Variants in SPAG16 observed in about 807,000 individuals in gnomAD.
SPAG16 encodes the protein sperm-associated antigen 16 protein.
In SPAG16, 86 loss-of-function variants were observed where a neutral mutation model predicts 80.4. That is an observed-to-expected ratio of 1.07 (90% CI 0.90 to 1.28). The LOEUF is 1.28. Among genes scored for constraint, SPAG16 ranks in the 50% most tolerant of loss-of-function variants. The probability of loss-of-function intolerance (pLI) is 0.00; values close to 1 mark genes in which losing one functional copy is unlikely to be tolerated. For synonymous variants in SPAG16, 294 were observed against 265.9 expected (o/e 1.11, Z -1.03); for missense variants, 870 against 765.3 (o/e 1.14, Z -1.61).
At chr2:213,903,463 C>A (rs550125960) in intron 11 of SPAG16, among the ~76,000 whole-genome samples, 1 of 152,188 alleles carries the variant, frequency 6.6e-6, no homozygotes, top group Admixed American at 6.5e-5. Context: ...ATGGCCCAAG[C>A]TCTACGTTGG....
chr2:213,310,993 C>T (rs1186503431), intron 4 of SPAG16, among the ~76,000 whole-genome samples: 2 of 151,680 alleles, frequency 1.3e-5, no homozygotes, highest in Non-Finnish European at 3.0e-5. Flanking sequence ...GCGATTTTTA[C>T]TCATCCAGCT....
intron 10 of SPAG16, among the ~76,000 whole-genome samples, chr2:213,514,898 C>G (rs1451723629): frequency 6.6e-6 from 1 of 151,884 alleles, no homozygotes; most frequent in Admixed American, 6.6e-5. Flanking sequence ...TAATAAGTAA[C>G]CTACACATTT....
At chr2:213,886,900 G>C (rs774821766) in intron 11 of SPAG16, among the ~76,000 whole-genome samples, 10 of 152,094 alleles carry the variant, frequency 6.6e-5, no homozygotes, top group Non-Finnish European at 1.0e-4. Context: ...CAGTTGGAGA[G>C]AAATATTAAA....
At chr2:214,153,972 T>G (rs61199650) in intron 15 of SPAG16, among the ~76,000 whole-genome samples, 193 of 152,246 alleles carry the variant, frequency 1.3e-3, no homozygotes, top group African/African-American at 4.5e-3. Context: ...TAGTATATAT[T>G]TATATCCCAA....
intron 15 of SPAG16, among the ~76,000 whole-genome samples, chr2:214,242,273 C>T (rs1689549648): frequency 6.6e-6 from 1 of 152,180 alleles, no homozygotes; most frequent in Admixed American, 6.5e-5. Flanking sequence ...CCTACTCATT[C>T]CCATAATTCT....
intron 10 of SPAG16, among the ~76,000 whole-genome samples, chr2:213,742,852 C>G (rs544598959): frequency 6.6e-6 from 1 of 152,214 alleles, no homozygotes; most frequent in African/African-American, 2.4e-5. Flanking sequence ...CGTGAGCCAC[C>G]GTGCTCGGCT....
chr2:213,875,168 G>C (rs965133420), intron 11 of SPAG16, among the ~76,000 whole-genome samples: 3 of 151,474 alleles, frequency 2.0e-5, no homozygotes, highest in African/African-American at 7.3e-5. Flanking sequence ...CAAACTCCTG[G>C]CCTCATGGGA....
At chr2:213,389,392 A>G (rs1247373307) in intron 9 of SPAG16, among the ~76,000 whole-genome samples, 2 of 152,176 alleles carry the variant, frequency 1.3e-5, no homozygotes, top group East Asian at 1.9e-4. Flanking sequence ...GGCACAGGCA[A>G]CAATAGAAAA....
chr2:213,407,898 A>G (rs2068738974), intron 9 of SPAG16, among the ~76,000 whole-genome samples: 1 of 72,114 alleles, frequency 1.4e-5, no homozygotes, highest in African/African-American at 3.8e-5. Context: ...AGAGAGAGAC[A>G]GGAGAGAGGC....
chr2:214,059,337 G>T (rs1258784718), intron 13 of SPAG16, among the ~76,000 whole-genome samples: 3 of 147,062 alleles, frequency 2.0e-5, no homozygotes, highest in Admixed American at 2.0e-4. Flanking sequence ...TTTTTTTTCA[G>T]TTAGTGGATT....
At chr2:213,910,500 T>G (rs1329513931) in intron 11 of SPAG16, among the ~76,000 whole-genome samples, 3 of 29,506 alleles carry the variant, frequency 1.0e-4, no homozygotes, top group African/African-American at 1.8e-4. Context: ...TTTTTTTTTT[T>G]TTTTTTGAGA....
At chr2:213,949,603 A>G (rs1026279843) in intron 12 of SPAG16, among the ~76,000 whole-genome samples, 5 of 152,192 alleles carry the variant, frequency 3.3e-5, no homozygotes, top group African/African-American at 1.2e-4. Flanking sequence ...GGTCTTTGGT[A>G]CTCAACCTTG....
At position 213,393,456 on chromosome 2, in the gene SPAG16, C is replaced by T. The variant is rs1421921157; in HGVS notation, c.942+18337C>T. Among the ~76,000 whole-genome samples, 5 of 151,568 alleles carry T rather than the reference C, an allele frequency of 3.3e-5. No homozygotes were observed. The South Asian group carries it at 8.3e-4, about 25-fold the overall frequency. On this transcript the variant is annotated intron_variant, in intron 9 of 15. Transcript: ENST00000331683. ...TAGTCTTCAACTTGCTTTTTTGATT[C>T]GATTTTTGTTTCTAAGAGTCTTTAG...
intron 14 of SPAG16, among the ~76,000 whole-genome samples, chr2:214,133,939 A>T (rs1399085389): frequency 6.6e-6 from 1 of 152,190 alleles, no homozygotes; most frequent in Non-Finnish European, 1.5e-5. Flanking sequence ...ACAGGATGAC[A>T]TTGAGGTACG....
In SPAG16 at chr2:214,114,251, G is replaced by A. The variant is rs141099471; in HGVS notation, c.1593+5990G>A. On this transcript the variant is annotated intron_variant, in intron 14 of 15. Coordinates refer to ENST00000331683, the MANE Select transcript of SPAG16 (RefSeq NM_024532.5). ...TATGAGGTGTCTGTCAGCCCCTACC[G>A]GGAGGTGTCTCCCAGTTAGGCTACA... is the stretch of plus-strand genomic sequence containing the variant. Among the ~76,000 whole-genome samples the A allele has an allele frequency of 3.0e-3, 450 of 152,246 alleles. 2 individuals are homozygous for A. Among genetic ancestry groups the A allele is most frequent in the Non-Finnish European group, 4.0e-3 (269 of 68,014 alleles).
At chr2:213,519,471 G>A (rs2075576283) in intron 10 of SPAG16, among the ~76,000 whole-genome samples, 1 of 152,122 alleles carries the variant, frequency 6.6e-6, no homozygotes, top group South Asian at 2.1e-4. Context: ...TTATAAGGAG[G>A]AGTTTTCCTG....
chr2:213,433,479 C>A (rs2070427329), intron 9 of SPAG16, among the ~76,000 whole-genome samples: 1 of 151,954 alleles, frequency 6.6e-6, no homozygotes, highest in Non-Finnish European at 1.5e-5. Context: ...AAAATGAAAT[C>A]AAGAATGTAA....
chr2:213,294,720 T>G (rs938145705), intron 1 of SPAG16, among the ~76,000 whole-genome samples: 1 of 152,176 alleles, frequency 6.6e-6, no homozygotes, highest in Non-Finnish European at 1.5e-5. Flanking sequence ...TTACTTGTGA[T>G]GGAGCTTAGT....
intron 9 of SPAG16, among the ~76,000 whole-genome samples, chr2:213,471,317 C>G (rs778846584): frequency 2.6e-5 from 4 of 152,126 alleles, no homozygotes; most frequent in Non-Finnish European, 5.9e-5. Flanking sequence ...CCTTCAGAAC[C>G]TGCTTGAGCC....
Sources: allele counts gnomAD v4.1 joint callset (sites outside exome capture counted in the v4.1 genomes callset), GRCh38; gene constraint gnomAD v4.1.1; transcripts MANE v1.5; gene names NCBI Gene and HGNC (gene_info 2026-07-23, HGNC 2026-07-21).